STRADA: variants seen among roughly 807,000 people sequenced by gnomAD.
STRADA encodes the protein STE20 related adaptor alpha, also known as STE20-related kinase adapter protein alpha.
A neutral mutation model predicts 55.0 loss-of-function variants in STRADA; 26 were observed. The observed-to-expected ratio is 0.47, with a 90% CI of 0.35 to 0.66. The LOEUF (loss-of-function observed/expected upper bound fraction) is 0.66, where lower values mean the gene tolerates loss of function less well. Among genes scored for constraint, STRADA ranks in the 30% least tolerant of loss-of-function variants. The pLI, the probability that STRADA is intolerant of heterozygous loss-of-function variation, is 0.01. For missense variants in STRADA, 443 were observed against 549.7 expected (o/e 0.81, Z 1.94); for synonymous variants, 197 against 210.9 (o/e 0.93, Z 0.57).
At chr17:63,708,650 T>C (rs1010265878) in intron 8 of STRADA, among the ~76,000 whole-genome samples, 1 of 152,196 alleles carries the variant, frequency 6.6e-6, no homozygotes, top group Non-Finnish European at 1.5e-5. Context: ...TTATCTTGCC[T>C]CAGCCTCCTG....
intron 4 of STRADA, chr17:63,718,932 T>A (rs970191656): frequency 1.3e-5 from 2 of 152,236 alleles, no homozygotes; most frequent in Non-Finnish European, 2.9e-5. Flanking sequence ...TTCTCTAAAA[T>A]CTTCCACTAA....
At chr17:63,703,976 C>A in intron 12 of STRADA, 29 bp downstream of exon 12, 1 of 1,613,416 alleles carries the variant, frequency 6.2e-7, no homozygotes, top group Non-Finnish European at 8.5e-7. Flanking sequence ...AGAACTAGAA[C>A]CAGAACCAGA....
intron 4 of STRADA, among the ~76,000 whole-genome samples, chr17:63,722,218 T>C (rs2037364698): frequency 6.6e-6 from 1 of 152,194 alleles, no homozygotes; most frequent in Admixed American, 6.5e-5. Flanking sequence ...TTTTGAAGCA[T>C]CTGAAAAATA....
intron 6 of STRADA, chr17:63,712,312 A>G (rs144970145): frequency 5.3e-4 from 81 of 152,172 alleles, no homozygotes; most frequent in African/African-American, 1.9e-3. Context: ...GGCTCAAGCA[A>G]TCTCCCTGCC....
chr17:63,706,590 G>T, intron 10 of STRADA, 45 bp downstream of exon 10: 1 of 1,422,122 alleles, frequency 7.0e-7, no homozygotes, highest in Non-Finnish European at 9.9e-7. Flanking sequence ...GAACATCTGT[G>T]GAAGGCAAGC....
intron 4 of STRADA, 123 bp from the exon 5 acceptor site, chr17:63,714,231 C>T (rs755845691): frequency 2.3e-5 from 16 of 697,582 alleles, no homozygotes; most frequent in South Asian, 7.4e-5. Flanking sequence ...AATCCCGACT[C>T]AGTGCCAGCA....
At chr17:63,735,776 C>T (rs975400169) in intron 1 of STRADA, among the ~76,000 whole-genome samples, 1 of 152,104 alleles carries the variant, frequency 6.6e-6, no homozygotes. Flanking sequence ...GTAGAGGAGA[C>T]GGCAGATATG....
At chr17:63,715,693 C>G (rs1182003239) in intron 4 of STRADA, 2 of 152,188 alleles carry the variant, frequency 1.3e-5, no homozygotes, top group Non-Finnish European at 2.9e-5. Flanking sequence ...TCCCTCACCA[C>G]TTACCCTGGC....
intron 8 of STRADA, among the ~76,000 whole-genome samples, chr17:63,707,741 T>G (rs2036203612): frequency 6.6e-6 from 1 of 151,516 alleles, no homozygotes; most frequent in Non-Finnish European, 1.5e-5. Context: ...TTTTTTTCTT[T>G]TTTTTTTGAG....
chr17:63,703,637 T>A lies in STRADA; in HGVS notation c.1258A>T (p.Asn420Tyr). ...DHSGIFGLVTNLEELEVDDWE... is the reference protein window; with the variant it reads ...DHSGIFGLVTYLEELEVDDWE... ...TCGTCCACCTCCAGCTCTTCCAGGT[T>A]TGTTACCAGGCCAAAGATTCCACTG... The change falls in exon 13 of 13, where the codon AAC (asparagine) becomes TAC (tyrosine). Residue 420 changes from asparagine (N) to tyrosine (Y), a missense_variant. Physicochemically the swap from Asn to Tyr is moderately radical, Grantham distance 143 (BLOSUM62 -2). Transcript: ENST00000336174. 6.2e-7 allele frequency: 1 copy of A among 1,614,188 alleles called. No individual in the cohort carries two copies. Among genetic ancestry groups the A allele is most frequent in the Non-Finnish European group, 8.5e-7 (1 of 1,180,018 alleles).
At chr17:63,705,002 C>T in intron 10 of STRADA, 2 of 1,198,066 alleles carry the variant, frequency 1.7e-6, no homozygotes, top group Non-Finnish European at 2.4e-6. Flanking sequence ...GCAGTCCCTG[C>T]AGTGCCACAG....
At chr17:63,713,938 G>GCTGTACACACATCTGTACACACAT in intron 5 of STRADA, 68 bp downstream of exon 5, 1 of 1,294,444 alleles carries the variant, frequency 7.7e-7, no homozygotes, top group Non-Finnish European at 1.1e-6. Flanking sequence ...CACATCTGGG[G>GCTGTACACACATCTGTACACACAT]CTGCTGAGAA....
intron 2 of STRADA, chr17:63,728,063 A>C (rs1248816463): frequency 2.6e-6 from 1 of 388,110 alleles, no homozygotes; most frequent in Non-Finnish European, 4.7e-6. Flanking sequence ...CGACTCATTT[A>C]ATGTTGTATG....
chr17:63,717,723 C>T (rs578015054), intron 4 of STRADA, among the ~76,000 whole-genome samples: 38 of 152,018 alleles, frequency 2.5e-4, no homozygotes, highest in African/African-American at 6.3e-4. Context: ...GTGATCTACC[C>T]GCCTCAGCCT....
intron 4 of STRADA, among the ~76,000 whole-genome samples, chr17:63,720,500 C>T (rs1351355338): frequency 4.0e-5 from 6 of 151,564 alleles, no homozygotes; most frequent in East Asian, 4.0e-4. Flanking sequence ...GGGGGCTGGG[C>T]GAGGTGGCTC....
chr17:63,716,105 T>G (rs963500399), intron 4 of STRADA, among the ~76,000 whole-genome samples: 21 of 151,888 alleles, frequency 1.4e-4, no homozygotes, highest in Non-Finnish European at 2.2e-4. Flanking sequence ...GTTTTTTTTT[T>G]TTTTTTTTTT....
rs555716777 is a variant in STRADA, at chr17:63,719,451, A to G, written c.123+3847T>C. 9.9e-5 allele frequency among the ~76,000 whole-genome samples: 15 copies of G among 152,284 alleles called. No individual in the cohort carries two copies. In the South Asian group the frequency reaches 3.1e-3, roughly 32 times the overall value. On this transcript the variant is annotated intron_variant, in intron 4 of 12. Coordinates refer to ENST00000336174, the MANE Select transcript of STRADA (RefSeq NM_001003787.4). The stretch of plus-strand genomic sequence containing the variant: ...CAAATATTCATTTTATGTACTTTAA[A>G]TAACTCCCTTTGGAGAAACCACAGA...
At chr17:63,716,087 C>T (rs1054920690) in intron 4 of STRADA, among the ~76,000 whole-genome samples, 6 of 150,196 alleles carry the variant, frequency 4.0e-5, no homozygotes, top group Admixed American at 6.6e-5. Flanking sequence ...CCACCAGCAA[C>T]GTACGTGGTT....
chr17:63,703,761 AAGAG>A lies in STRADA; in HGVS notation c.1144-14_1144-11del. On this transcript the variant is annotated splice_polypyrimidine_tract_variant and intron_variant, in intron 12 of 12. Transcript: ENST00000336174. ...AGGCACGTCGCTTGATCTGGGGGAGAAGAGAGAGGTGGGTGACAGATCCTGTTGC... is the reference window on the plus strand; with the variant it reads ...AGGCACGTCGCTTGATCTGGGGGAGAAGAGGTGGGTGACAGATCCTGTTGC... 6.2e-7 allele frequency: 1 copy of A among 1,613,486 alleles called. No homozygotes were observed. The highest frequency in any genetic ancestry group is 8.5e-7 in the Non-Finnish European group (1 of 1,179,604).
Sources: gnomAD v4.1 joint callset for allele counts (sites outside exome capture counted in the v4.1 genomes callset) on GRCh38, gnomAD v4.1.1 for gene constraint, MANE v1.5 for transcripts, NCBI Gene and HGNC (gene_info 2026-07-23, HGNC 2026-07-21) for gene names.